ADTRP: variants seen among roughly 807,000 people sequenced by gnomAD.
ADTRP encodes the protein androgen dependent TFPI regulating protein, also known as androgen-dependent TFPI-regulating protein.
Under a neutral mutation model 27.0 loss-of-function variants are expected in ADTRP, and 20 were observed. The ratio of observed to expected loss-of-function variants is 0.74; its 90% confidence interval spans 0.52 to 1.08. The LOEUF is 1.08. Among genes scored for constraint, ADTRP ranks in the 50% least tolerant of loss-of-function variants. The pLI, the probability that ADTRP is intolerant of heterozygous loss-of-function variation, is 0.00. For synonymous variants in ADTRP, 101 were observed against 105.2 expected (o/e 0.96, Z 0.25); for missense variants, 251 against 275.0 (o/e 0.91, Z 0.62).
At chr6:11,768,966 A>G (rs1056857908) in intron 1 of ADTRP, among the ~76,000 whole-genome samples, 1 of 152,146 alleles carries the variant, frequency 6.6e-6, no homozygotes, top group Non-Finnish European at 1.5e-5. Flanking sequence ...CCTCACCGAG[A>G]CAATCTGGCC....
chr6:11,746,919 A>G (rs1157727375), intron 3 of ADTRP, among the ~76,000 whole-genome samples: 4 of 152,140 alleles, frequency 2.6e-5, no homozygotes, highest in African/African-American at 7.2e-5. Context: ...GAGCCTGAAC[A>G]CTGAGGGAAG....
intron 1 of ADTRP, among the ~76,000 whole-genome samples, chr6:11,771,345 C>G (rs1763773907): frequency 6.6e-6 from 1 of 152,188 alleles, no homozygotes; most frequent in African/African-American, 2.4e-5. Flanking sequence ...CAGGTGGAAC[C>G]CCCGCGTGGG....
intron 3 of ADTRP, among the ~76,000 whole-genome samples, chr6:11,753,856 A>G (rs540071441): frequency 6.6e-6 from 1 of 152,328 alleles, no homozygotes; most frequent in African/African-American, 2.4e-5. Flanking sequence ...CAATGGCCAC[A>G]TCCTACTGCT....
intron 1 of ADTRP, among the ~76,000 whole-genome samples, chr6:11,772,656 G>C (rs1763821917): frequency 6.6e-6 from 1 of 152,192 alleles, no homozygotes. Context: ...TCTCTCCTTT[G>C]AAATGATGCA....
intron 3 of ADTRP, among the ~76,000 whole-genome samples, chr6:11,740,198 C>A (rs1052474991): frequency 5.9e-5 from 9 of 152,262 alleles, no homozygotes; most frequent in African/African-American, 2.2e-4. Flanking sequence ...TTCCGATCTG[C>A]GAATTAGTTC....
chr6:11,730,195 GACA>G (rs1377430983), intron 4 of ADTRP, among the ~76,000 whole-genome samples: 4 of 152,148 alleles, frequency 2.6e-5, no homozygotes, highest in Non-Finnish European at 5.9e-5. Context: ...CCCGCATGTT[GACA>G]ACAAGGATGT....
chr6:11,743,751 G>A (rs1043443551), intron 3 of ADTRP, among the ~76,000 whole-genome samples: 4 of 152,156 alleles, frequency 2.6e-5, no homozygotes, highest in Non-Finnish European at 4.4e-5. Context: ...ACGAATCAAT[G>A]AAACAAAGTG....
intron 5 of ADTRP, among the ~76,000 whole-genome samples, chr6:11,720,100 C>T (rs1238867819): frequency 6.6e-6 from 1 of 152,202 alleles, no homozygotes; most frequent in Non-Finnish European, 1.5e-5. Flanking sequence ...CAGAACTTTT[C>T]TTCTAACCAC....
chr6:11,734,370 C>T (rs563040352), intron 4 of ADTRP, among the ~76,000 whole-genome samples: 1 of 152,340 alleles, frequency 6.6e-6, no homozygotes, highest in Non-Finnish European at 1.5e-5. Context: ...GTGCTCCAGA[C>T]ATCAACTATC....
chr6:11,718,972 C>A (rs573068820), intron 5 of ADTRP, among the ~76,000 whole-genome samples: 2 of 152,354 alleles, frequency 1.3e-5, no homozygotes, highest in East Asian at 1.9e-4. Context: ...ATGTGATTCC[C>A]AGTATGGTTT....
chr6:11,753,693 T>C (rs1415905153), intron 3 of ADTRP, among the ~76,000 whole-genome samples: 1 of 152,190 alleles, frequency 6.6e-6, no homozygotes, highest in Non-Finnish European at 1.5e-5. Flanking sequence ...TAAATACTGT[T>C]AGATAGGTTA....
At chr6:11,757,542 T>C (rs1483466572) in intron 3 of ADTRP, among the ~76,000 whole-genome samples, 1 of 152,174 alleles carries the variant, frequency 6.6e-6, no homozygotes, top group Non-Finnish European at 1.5e-5. Flanking sequence ...TCTCAGAATG[T>C]TACCTCATTT....
chr6:11,727,957 G>A (rs866125514), intron 4 of ADTRP, among the ~76,000 whole-genome samples: 1 of 136,888 alleles, frequency 7.3e-6, no homozygotes, highest in Non-Finnish European at 1.6e-5. Flanking sequence ...AAGGAAGGGA[G>A]GCAGGGAGGG....
intron 3 of ADTRP, among the ~76,000 whole-genome samples, chr6:11,765,033 G>A (rs1413187352): frequency 3.3e-5 from 5 of 152,050 alleles, no homozygotes; most frequent in South Asian, 2.1e-4. Flanking sequence ...TCAGACTTAC[G>A]TAAGGTAGTT....
At chr6:11,741,141 A>G (rs192824764) in intron 3 of ADTRP, among the ~76,000 whole-genome samples, 2 of 152,302 alleles carry the variant, frequency 1.3e-5, no homozygotes, top group Admixed American at 1.3e-4. Context: ...CTTCTCTTTG[A>G]TCTCCACTGT....
chr6:11,751,498 CT>C (rs1407418929), intron 3 of ADTRP, among the ~76,000 whole-genome samples: 4 of 152,162 alleles, frequency 2.6e-5, no homozygotes, highest in Non-Finnish European at 5.9e-5. Context: ...ACATAGGTCA[CT>C]ATCTGTAGCC....
intron 3 of ADTRP, 119 bp downstream of exon 3, chr6:11,766,155 T>C: frequency 1.5e-6 from 1 of 684,294 alleles, no homozygotes; most frequent in Non-Finnish European, 2.4e-6. Context: ...AAATAAACAG[T>C]GATGAGGTAG....
At chr6:11,757,354 A>G (rs1581354501) in intron 3 of ADTRP, among the ~76,000 whole-genome samples, 1 of 152,336 alleles carries the variant, frequency 6.6e-6, no homozygotes, top group East Asian at 1.9e-4. Context: ...AAAACCTTCT[A>G]TCAATCTCCT....
At chr6:11,720,256 C>G (rs1240650726) in intron 5 of ADTRP, among the ~76,000 whole-genome samples, 1 of 152,152 alleles carries the variant, frequency 6.6e-6, no homozygotes, top group African/African-American at 2.4e-5. Context: ...AACTGAAGAT[C>G]TGGAGAAAGG....
Sources: gnomAD v4.1 joint callset for allele counts (sites outside exome capture counted in the v4.1 genomes callset) on GRCh38, gnomAD v4.1.1 for gene constraint, MANE v1.5 for transcripts, NCBI Gene and HGNC (gene_info 2026-07-23, HGNC 2026-07-21) for gene names.